EFR3B: variants seen among roughly 807,000 people sequenced by gnomAD.
The protein encoded by EFR3B is EFR3 homolog B, also known as protein EFR3 homolog B.
A neutral mutation model predicts 104.7 loss-of-function variants in EFR3B; 64 were observed. That is an observed-to-expected ratio of 0.61 (90% CI 0.50 to 0.75). The LOEUF is 0.75. EFR3B is among the 30% of genes least tolerant of loss of function. The probability of loss-of-function intolerance (pLI) is 0.00; values close to 1 mark genes in which losing one functional copy is unlikely to be tolerated. For missense variants in EFR3B, 750 were observed against 1,078.5 expected, an observed-to-expected ratio of 0.70 and a Z score of 4.27; for synonymous variants, 385 against 417.9, an observed-to-expected ratio of 0.92 and a Z score of 0.96.
intron 1 of EFR3B, among the ~76,000 whole-genome samples, chr2:25,076,409 AG>A (rs1239618886): frequency 6.6e-6 from 1 of 152,190 alleles, no homozygotes; most frequent in Non-Finnish European, 1.5e-5. Context: ...ACTGTGTGCT[AG>A]GAATAGTTGT....
intron 1 of EFR3B, among the ~76,000 whole-genome samples, chr2:25,062,931 T>TTTTTC (rs1394321102): frequency 6.3e-5 from 9 of 143,848 alleles, no homozygotes; most frequent in East Asian, 2.0e-4. Flanking sequence ...TTTCTTTTTC[T>TTTTTC]TTTTTTTTTT....
At chr2:25,044,926 T>C (rs1304144299) in intron 1 of EFR3B, among the ~76,000 whole-genome samples, 1 of 152,174 alleles carries the variant, frequency 6.6e-6, no homozygotes, top group Non-Finnish European at 1.5e-5. Context: ...AAGGAATCCT[T>C]GTTCTGAGGT....
intron 4 of EFR3B, among the ~76,000 whole-genome samples, chr2:25,106,641 C>T (rs991269134): frequency 6.6e-6 from 1 of 152,144 alleles, no homozygotes; most frequent in Non-Finnish European, 1.5e-5. Flanking sequence ...CAGGGTTTCA[C>T]CATGTTGGTC....
chr2:25,138,751 C>T (rs547470559), intron 15 of EFR3B, among the ~76,000 whole-genome samples: 3 of 152,272 alleles, frequency 2.0e-5, no homozygotes, highest in South Asian at 2.1e-4. Context: ...GTGGGATTAA[C>T]GACCAGGGTT....
chr2:25,141,781 CCAGT>C (rs1038107165), intron 17 of EFR3B, among the ~76,000 whole-genome samples: 3 of 152,120 alleles, frequency 2.0e-5, no homozygotes, highest in African/African-American at 7.2e-5. Flanking sequence ...GTGCTGTGGG[CCAGT>C]GTCATTTCAA....
Position 25,128,343 on chromosome 2 carries a change from C to G in EFR3B, c.635+11C>G, listed in dbSNP as rs983433266. 6.4e-7 allele frequency: 1 copy of G among 1,551,620 alleles called. No individual in the cohort carries two copies. Among genetic ancestry groups the G allele is most frequent in the Non-Finnish European group, 8.7e-7 (1 of 1,146,974 alleles). On this transcript the variant is annotated intron_variant, in intron 6 of 22. Coordinates refer to ENST00000403714, the MANE Select transcript of EFR3B (RefSeq NM_014971.2). ...AGAGGAGGCAGAGAGGTAAGCAGGCCGGGATGGGGCAGGACAGTAGATATA... is the reference window on the plus strand; with the variant it reads ...AGAGGAGGCAGAGAGGTAAGCAGGCGGGGATGGGGCAGGACAGTAGATATA...
At chr2:25,113,280 C>T (rs1274853351) in intron 4 of EFR3B, among the ~76,000 whole-genome samples, 3 of 152,152 alleles carry the variant, frequency 2.0e-5, no homozygotes, top group Non-Finnish European at 4.4e-5. Context: ...CATGATCTTT[C>T]ATGATCTCAT....
intron 1 of EFR3B, among the ~76,000 whole-genome samples, chr2:25,075,022 T>G (rs1382614686): frequency 6.6e-6 from 1 of 152,206 alleles, no homozygotes; most frequent in Non-Finnish European, 1.5e-5. Flanking sequence ...CAGCCTCCCC[T>G]AGTGTGAACA....
rs1671149992 is a variant in EFR3B at position 25,155,820 on chromosome 2, G to C, written c.*1480G>C. On this transcript the variant is annotated 3_prime_UTR_variant, in exon 23 of 23. Coordinates refer to ENST00000403714, the MANE Select transcript of EFR3B (RefSeq NM_014971.2). Reference sequence around the variant, plus strand: ...GAGTCTGCTTTCCAAAGGAGGCAGGGTGAGTAGATTTCTTGATCCAAAGGA... The same window carrying C: ...GAGTCTGCTTTCCAAAGGAGGCAGGCTGAGTAGATTTCTTGATCCAAAGGA... The C allele has an allele frequency of 1.3e-5, 2 of 152,196 alleles. No homozygotes were observed. The highest frequency in any genetic ancestry group is 4.8e-5 in the African/African-American group (2 of 41,448). The allele number at this position is 152,196 out of a possible 1,614,324, so 9.4% of individuals were successfully genotyped here.
chr2:25,094,297 A>AG (rs1228109872), intron 3 of EFR3B, among the ~76,000 whole-genome samples: 35 of 150,736 alleles, frequency 2.3e-4, no homozygotes, highest in South Asian at 1.0e-3. Flanking sequence ...AAAAAAAAAA[A>AG]AAAAGAAAAA....
intron 3 of EFR3B, among the ~76,000 whole-genome samples, chr2:25,095,838 C>A (rs1237585329): frequency 6.6e-6 from 1 of 152,060 alleles, no homozygotes; most frequent in African/African-American, 2.4e-5. Context: ...GGATGTGTTA[C>A]TTCCACAATA....
intron 1 of EFR3B, among the ~76,000 whole-genome samples, chr2:25,046,527 C>T (rs1380868862): frequency 5.6e-5 from 6 of 107,226 alleles, no homozygotes; most frequent in South Asian, 3.3e-4. Flanking sequence ...TTTTTTGAGA[C>T]GGAGTCTCGC....
At chr2:25,118,599 T>G (rs377503643) in intron 4 of EFR3B, among the ~76,000 whole-genome samples, 8 of 151,924 alleles carry the variant, frequency 5.3e-5, no homozygotes, top group African/African-American at 1.7e-4. Context: ...TTACGTTAAC[T>G]GGCTTAACCG....
At chr2:25,092,874 A>T (rs1573197190) in intron 2 of EFR3B, 129 bp from the exon 3 acceptor site, 2 of 1,198,332 alleles carry the variant, frequency 1.7e-6, no homozygotes, top group East Asian at 5.1e-5. Flanking sequence ...TGAAACCCAC[A>T]TGTGCTCCGG....
At chr2:25,074,845 G>T (rs920134747) in intron 1 of EFR3B, among the ~76,000 whole-genome samples, 1 of 152,006 alleles carries the variant, frequency 6.6e-6, no homozygotes, top group African/African-American at 2.4e-5. Context: ...TTGAACTCCT[G>T]ACCTCAAGTG....
rs1201889180 is a variant in EFR3B at position 25,131,530 on chromosome 2, G to A, written c.985+27G>A. The A allele has an allele frequency of 1.2e-5, 18 of 1,546,256 alleles. No individual in the cohort carries two copies. Among genetic ancestry groups the A allele is most frequent in the Admixed American group, 7.9e-5 (4 of 50,906 alleles). ...TAAGGGGCATGGCTAGGGCCTGAGG[G>A]CCGGGGACCCCGCGGAGGCTGCCGC... On this transcript the variant is annotated intron_variant, in intron 9 of 22. Coordinates refer to ENST00000403714, the MANE Select transcript of EFR3B (RefSeq NM_014971.2). This position sits in a 1 kb window ranked among gnomAD's most constrained non-coding sequence, Gnocchi z 7.6.
intron 1 of EFR3B, among the ~76,000 whole-genome samples, chr2:25,069,199 C>T (rs1558588804): frequency 1.3e-5 from 2 of 152,120 alleles, no homozygotes; most frequent in Non-Finnish European, 2.9e-5. Flanking sequence ...TGAGCCATTG[C>T]GCCTGGCCTG....
intron 3 of EFR3B, among the ~76,000 whole-genome samples, chr2:25,094,796 TA>T (rs1329528293): frequency 1.3e-5 from 2 of 151,940 alleles, no homozygotes; most frequent in Admixed American, 6.6e-5. Context: ...TATTTATTAT[TA>T]TTATTTTTTT....
intron 1 of EFR3B, among the ~76,000 whole-genome samples, chr2:25,056,436 CTT>C (rs5829958): frequency 2.8e-5 from 4 of 140,920 alleles, no homozygotes; most frequent in Non-Finnish European, 3.1e-5. Flanking sequence ...ATTACTTGTG[CTT>C]TTTTTTTTTT....
Sources: gnomAD v4.1 joint callset for allele counts (sites outside exome capture counted in the v4.1 genomes callset) on GRCh38, gnomAD v4.1.1 for gene constraint, Gnocchi (gnomAD v3.1) non-coding constraint, MANE v1.5 for transcripts, NCBI Gene and HGNC (gene_info 2026-07-23, HGNC 2026-07-21) for gene names.